The following JPH3 variants were observed in gnomAD, a reference collection of about 807,000 sequenced individuals.
JPH3 encodes the protein junctophilin-3.
A neutral mutation model predicts 59.6 loss-of-function variants in JPH3; 11 were observed. The ratio of observed to expected loss-of-function variants is 0.18; its 90% confidence interval spans 0.12 to 0.31. The LOEUF (loss-of-function observed/expected upper bound fraction) is 0.31. Ranked by LOEUF, JPH3 falls within the 10% of genes least tolerant of loss-of-function variation. JPH3 has a pLI of 1.00. For missense variants in JPH3, 1,202 were observed against 1,105.7 expected (o/e 1.09, Z -1.24); for synonymous variants, 673 against 483.6 (o/e 1.39, Z -5.14).
At chr16:87,666,261 A>T (rs1033363978) in intron 2 of JPH3, among the ~76,000 whole-genome samples, 7 of 151,662 alleles carry the variant, frequency 4.6e-5, no homozygotes, top group Non-Finnish European at 7.4e-5. Flanking sequence ...GCTAATTTTT[A>T]TATTTTTAGT....
At chr16:87,689,041 C>G (rs2033487950) in intron 3 of JPH3, among the ~76,000 whole-genome samples, 1 of 152,146 alleles carries the variant, frequency 6.6e-6, no homozygotes, top group African/African-American at 2.4e-5. Flanking sequence ...GAGCTGGCCC[C>G]TGGGTCCTGT....
intron 2 of JPH3, among the ~76,000 whole-genome samples, chr16:87,680,704 G>A (rs552691891): frequency 1.3e-5 from 2 of 152,316 alleles, no homozygotes; most frequent in African/African-American, 4.8e-5. Context: ...TTACCCCTTG[G>A]AGAACTGGGT....
At chr16:87,658,583 C>A (rs2032588639) in intron 2 of JPH3, among the ~76,000 whole-genome samples, 1 of 152,146 alleles carries the variant, frequency 6.6e-6, no homozygotes, top group Non-Finnish European at 1.5e-5. Flanking sequence ...TATCTCTTCA[C>A]CTGTGAATTC....
At chr16:87,639,423 ACG>A (rs2031864357) in intron 1 of JPH3, among the ~76,000 whole-genome samples, 1 of 152,044 alleles carries the variant, frequency 6.6e-6, no homozygotes, top group Non-Finnish European at 1.5e-5. Flanking sequence ...TTCACTTTAA[ACG>A]TTGAGGGAAA....
At chr16:87,694,397 A>C (rs561623013) in intron 4 of JPH3, 16 of 152,284 alleles carry the variant, frequency 1.1e-4, no homozygotes, top group African/African-American at 3.9e-4. Context: ...GACCCAGGAG[A>C]CAAAAGGGTC....
rs754953341 is a variant in JPH3 at position 87,689,857 on chromosome 16, C to G, written c.1497C>G (p.Ala499=). 1.6e-5 allele frequency: 24 copies of G among 1,512,132 alleles called. No individual in the cohort carries two copies. Among genetic ancestry groups the G allele is most frequent in the Non-Finnish European group, 2.1e-5 (24 of 1,130,502 alleles). The allele number at this position is 1,512,132 out of a possible 1,614,324, so 93.7% of individuals were successfully genotyped here. The change falls in exon 4 of 5, where the codon GCC becomes GCG. Residue 499 remains alanine (A), a synonymous_variant. Coordinates refer to ENST00000284262, the MANE Select transcript of JPH3 (RefSeq NM_020655.4). ...CGCCCGCCGCCAGGAACAAGGTCGC[C>G]CACTTCTCGAGGCAGGTGTCGGTGG... ...PPAPAARNKV[A]HFSRQVSVDE...
intron 4 of JPH3, among the ~76,000 whole-genome samples, chr16:87,692,045 T>G (rs2033598262): frequency 6.6e-6 from 1 of 152,264 alleles, no homozygotes; most frequent in Middle Eastern, 3.4e-3. Flanking sequence ...CGCAGGGTGC[T>G]ACATGCTGCC....
chr16:87,635,665 G>A (rs918661198), intron 1 of JPH3, among the ~76,000 whole-genome samples: 2 of 152,206 alleles, frequency 1.3e-5, no homozygotes, highest in African/African-American at 2.4e-5. Context: ...GCTGTGGCTC[G>A]AGTGACACCT....
At chr16:87,674,039 A>C (rs967495872) in intron 2 of JPH3, among the ~76,000 whole-genome samples, 4 of 151,376 alleles carry the variant, frequency 2.6e-5, no homozygotes, top group Admixed American at 1.3e-4. Context: ...AAGTTAAAAA[A>C]AAAAACAAAA....
At chr16:87,635,997 A>G (rs1294352524) in intron 1 of JPH3, among the ~76,000 whole-genome samples, 2 of 152,184 alleles carry the variant, frequency 1.3e-5, no homozygotes, top group Non-Finnish European at 2.9e-5. Context: ...ACAGGACATT[A>G]TCTAGCTCTG....
chr16:87,626,865 C>T (rs1297621232), intron 1 of JPH3, among the ~76,000 whole-genome samples: 3 of 152,194 alleles, frequency 2.0e-5, no homozygotes, highest in African/African-American at 7.2e-5. Context: ...TAGAGGAGGG[C>T]ATGGTGGCTC....
chr16:87,691,506 G>C (rs948141921), intron 4 of JPH3, among the ~76,000 whole-genome samples: 6 of 152,166 alleles, frequency 3.9e-5, no homozygotes, highest in Admixed American at 3.9e-4. Flanking sequence ...GGCCGGGCAG[G>C]GGGGACCATT....
At chr16:87,683,050 C>T (rs1327943987) in intron 2 of JPH3, among the ~76,000 whole-genome samples, 1 of 152,214 alleles carries the variant, frequency 6.6e-6, no homozygotes, top group African/African-American at 2.4e-5. Flanking sequence ...ACAATGGCTC[C>T]TTCGTGTCAC....
Position 87,664,249 on chromosome 16 carries a change from T to G in JPH3, c.1160+19214T>G, listed in dbSNP as rs535473232. Among the ~76,000 whole-genome samples, 308 of 149,208 alleles carry G rather than the reference T, an allele frequency of 2.1e-3. 2 individuals carry two copies. Among genetic ancestry groups the G allele is most frequent in the African/African-American group, 6.4e-3 (257 of 40,200 alleles). ...GGGAGGCTGAGGCAGGAGAATGGCGTGAACCCGGGAGGCGGAGCTTGCAGT... is the reference window on the plus strand; with the variant it reads ...GGGAGGCTGAGGCAGGAGAATGGCGGGAACCCGGGAGGCGGAGCTTGCAGT... On this transcript the variant is annotated intron_variant, in intron 2 of 4. Coordinates refer to ENST00000284262, the MANE Select transcript of JPH3 (RefSeq NM_020655.4).
intron 1 of JPH3, among the ~76,000 whole-genome samples, chr16:87,608,107 G>T (rs1005259946): frequency 3.3e-5 from 5 of 152,360 alleles, no homozygotes; most frequent in African/African-American, 1.2e-4. Flanking sequence ...GCCTACAGCA[G>T]CGATCTGGAG....
chr16:87,603,009 A>C lies in JPH3; in HGVS notation c.-138A>C. The C allele has an allele frequency of 8.7e-5, 90 of 1,031,012 alleles. No homozygotes were observed. Among genetic ancestry groups the C allele is most frequent in the Middle Eastern group, 2.8e-4 (1 of 3,602 alleles). The allele number at this position is 1,031,012 out of a possible 1,614,324, so 63.9% of individuals were successfully genotyped here. A position where few individuals can be genotyped will look rare whatever the true frequency, so the allele number is the denominator to read the frequency against. ...CCGGCGCCGCGGCCGCCCGCGCCCGAGACCGCGCTCCGGGGCCGCGTCCTC... is the reference window on the plus strand; with the variant it reads ...CCGGCGCCGCGGCCGCCCGCGCCCGCGACCGCGCTCCGGGGCCGCGTCCTC... On this transcript the variant is annotated 5_prime_UTR_variant, in exon 1 of 5. Transcript: ENST00000284262.
chr16:87,672,368 C>T (rs748952559), intron 2 of JPH3, among the ~76,000 whole-genome samples: 2 of 152,220 alleles, frequency 1.3e-5, no homozygotes, highest in African/African-American at 2.4e-5. Context: ...TGCTCCCAGA[C>T]CCCCGCTGAG....
intron 1 of JPH3, among the ~76,000 whole-genome samples, chr16:87,616,190 TTGTGTGTGTGTG>T (rs56053716): frequency 0.073 from 8,483 of 115,986 alleles, 380 homozygotes; most frequent in Middle Eastern, 0.12. Context: ...CAATCTGGTT[TTGTGTGTGTGTG>T]TGTGTGTGTG....
chr16:87,692,387 G>A lies in JPH3; in HGVS notation c.2166+1861G>A, dbSNP rs1026720708. 4.6e-5 allele frequency among the ~76,000 whole-genome samples: 7 copies of A among 152,342 alleles called. No homozygotes were observed. In the South Asian group the frequency reaches 6.2e-4, roughly 14 times the overall value. ...TCAGGGGACAGGTGTCAGGGCAGTC[G>A]GGTGCCAGGCTGGGCTGAGTGCCTT... On this transcript the variant is annotated intron_variant, in intron 4 of 4. Coordinates refer to ENST00000284262, the MANE Select transcript of JPH3 (RefSeq NM_020655.4).
Sources: gnomAD v4.1 joint callset for allele counts (sites outside exome capture counted in the v4.1 genomes callset) on GRCh38, gnomAD v4.1.1 for gene constraint, MANE v1.5 for transcripts, NCBI Gene and HGNC (gene_info 2026-07-23, HGNC 2026-07-21) for gene names.